Variants in IRF9 observed in about 807,000 individuals in gnomAD.
IRF9 encodes the protein interferon regulatory factor 9, also known as IFN-alpha-responsive transcription factor subunit.
Under a neutral mutation model 44.1 loss-of-function variants are expected in IRF9, and 13 were observed. That is an observed-to-expected ratio of 0.29 (90% CI 0.19 to 0.47). IRF9 has a LOEUF of 0.47. Ranked by LOEUF, IRF9 falls within the 20% of genes least tolerant of loss-of-function variation. IRF9 has a pLI of 1.00. For synonymous variants in IRF9, 189 were observed against 188.5 expected (o/e 1.00, Z -0.02); for missense variants, 373 against 496.1 (o/e 0.75, Z 2.36).
chr14:24,164,323 A>C lies in IRF9; in HGVS notation c.649+189A>C, dbSNP rs545280513. On this transcript the variant is annotated intron_variant, in intron 6 of 8. Coordinates refer to ENST00000396864, the MANE Select transcript of IRF9 (RefSeq NM_006084.5). The surrounding 1 kb of genome is among the most constrained non-coding windows in gnomAD (Gnocchi z 5.2). The stretch of plus-strand genomic sequence containing the variant: ...CCAGACTCCAAAAAGCTTGCTTCCC[A>C]AAAATACCACCCTATACACTCTCCT... 469 of 634,430 alleles carry C rather than the reference A, an allele frequency of 7.4e-4. 1 individual carries two copies. In the African/African-American group the frequency reaches 8.1e-3, roughly 11 times the overall value. The allele number at this position is 634,430 out of a possible 1,614,324, so 39.3% of individuals were successfully genotyped here.
chr14:24,162,907 T>C, intron 2 of IRF9, 59 bp from the exon 3 acceptor site: 3 of 1,429,568 alleles, frequency 2.1e-6, no homozygotes, highest in Non-Finnish European at 2.9e-6. Context: ...CCAGTCCTAT[T>C]GGAGGGGCAG....
At position 24,162,395 on chromosome 14, in the gene IRF9, G is replaced by A. The variant is rs534315558; in HGVS notation, c.180+71G>A. 16 of 1,437,814 alleles carry A rather than the reference G, an allele frequency of 1.1e-5. No homozygotes were observed. The East Asian group carries it at 1.6e-4, about 15-fold the overall frequency. 89.1% of individuals were successfully genotyped at this position (1,437,814 alleles called of 1,614,324 possible). ...TATACACACTGGTACACTCATCCTC[G>A]AGCACTTGCGTCTGCCTGGGTTTCA... On this transcript the variant is annotated intron_variant, in intron 2 of 8. Coordinates refer to ENST00000396864, the MANE Select transcript of IRF9 (RefSeq NM_006084.5).
rs1429435759 is a variant in IRF9, at chr14:24,163,074, G to T, written c.289G>T (p.Val97Phe). The change falls in exon 3 of 9, where the codon GTT (valine) becomes TTT (phenylalanine). Residue 97 changes from valine (V) to phenylalanine (F), a missense_variant. By Grantham distance (50) the Val-to-Phe change is conservative (BLOSUM62 -1). Transcript: ENST00000396864. ...ALNKSSEFKE[V>F]PERGRMDVAE... ...CAACAAGAGTTCTGAATTTAAGGAG[G>T]TTCCTGAGAGGGGCCGCATGGATGT... is the stretch of plus-strand genomic sequence containing the variant. 6.2e-7 allele frequency: 1 copy of T among 1,614,200 alleles called. No homozygotes were observed. Among genetic ancestry groups the T allele is most frequent in the East Asian group, 2.2e-5 (1 of 44,888 alleles).
intron 7 of IRF9, 181 bp from the exon 8 acceptor site, chr14:24,165,666 C>A: frequency 5.1e-6 from 3 of 590,782 alleles, no homozygotes; most frequent in Non-Finnish European, 9.0e-6. Flanking sequence ...GGCAGGGGCA[C>A]CCTTTCCTAT....
Position 24,164,645 on chromosome 14 carries a change from C to CG in IRF9, c.684dup (p.Arg229AlafsTer18). ...CACTGCTGCTCACCTTCATCTACAA[C>CG]GGGCGCGTGGTGGGCGAGGCCCAGG... On this transcript the variant is annotated frameshift_variant, in exon 7 of 9. Transcript: ENST00000396864. LOFTEE classifies it high-confidence loss of function. This position sits in a 1 kb window ranked among gnomAD's most constrained non-coding sequence, Gnocchi z 5.2. 6.2e-7 allele frequency: 1 copy of CG among 1,609,922 alleles called. No individual in the cohort carries two copies.
rs946413802 is a variant in IRF9, at chr14:24,164,238, A to G, written c.649+104A>G. Reference sequence around the variant, plus strand: ...TCAGTCAGGGCTTACAGCAAACTGTACCCACATTACCATAGCCCTAGGCAG... The same window carrying G: ...TCAGTCAGGGCTTACAGCAAACTGTGCCCACATTACCATAGCCCTAGGCAG... On this transcript the variant is annotated intron_variant, in intron 6 of 8. Coordinates refer to ENST00000396864, the MANE Select transcript of IRF9 (RefSeq NM_006084.5). This position sits in a 1 kb window ranked among gnomAD's most constrained non-coding sequence, Gnocchi z 5.2. 2 of 970,070 alleles carry G rather than the reference A, an allele frequency of 2.1e-6. No homozygotes were observed. Among genetic ancestry groups the G allele is most frequent in the Middle Eastern group, 2.2e-4 (1 of 4,556 alleles). 60.1% of individuals were successfully genotyped at this position (970,070 alleles called of 1,614,324 possible).
Position 24,163,505 on chromosome 14 carries a change from T to C in IRF9, c.492T>C (p.Asn164=). 6.2e-7 allele frequency: 1 copy of C among 1,613,766 alleles called. No individual in the cohort carries two copies. Among genetic ancestry groups the C allele is most frequent in the Middle Eastern group, 1.7e-4 (1 of 6,042 alleles). ...LSPSVLQDSL[N]NEEEGASGGA... is the part of the protein sequence containing the mutation. ...CCTCTGTGCTCCAGGACTCCCTCAA[T>C]AATGTAAGAGATGGAGAGGGAACTG... The change falls in exon 4 of 9, where the codon AAT becomes AAC. Residue 164 remains asparagine, a synonymous_variant. Coordinates refer to ENST00000396864, the MANE Select transcript of IRF9 (RefSeq NM_006084.5).
In IRF9 at chr14:24,164,102, G is replaced by T; in HGVS notation, c.617G>T (p.Arg206Met). 1 of 1,614,142 alleles carries T rather than the reference G, an allele frequency of 6.2e-7. No homozygotes were observed. Among genetic ancestry groups the T allele is most frequent in the African/African-American group, 1.3e-5 (1 of 75,036 alleles). Residue 206 changes from arginine (R) to methionine (M), a missense_variant, in exon 6 of 9, where the codon AGG becomes ATG. Coordinates refer to ENST00000396864, the MANE Select transcript of IRF9 (RefSeq NM_006084.5). This position sits in a 1 kb window ranked among gnomAD's most constrained non-coding sequence, Gnocchi z 5.2. ...TTEAPFQGDQ[R>M]SLEFLLPPEP... ...GAGGCCCCCTTTCAAGGGGATCAGA[G>T]GTCCCTGGAGTTTCTGCTTCCTCCA...
At position 24,162,179 on chromosome 14, in the gene IRF9, T is replaced by C. The variant is rs748710424; in HGVS notation, c.35T>C (p.Leu12Pro). ...GGCAGGGCACGCTGCACCCGAAAACTCCGGAACTGGGTGGTGGAGCAAGTG... is the reference window on the plus strand; with the variant it reads ...GGCAGGGCACGCTGCACCCGAAAACCCCGGAACTGGGTGGTGGAGCAAGTG... ...ASGRARCTRK[L>P]RNWVVEQVES... The change falls in exon 2 of 9, where the codon CTC (leucine) becomes CCC (proline). Residue 12 changes from leucine to proline, a missense_variant. Leu to Pro is a moderately conservative substitution (Grantham distance 98). Around this residue, in one of 2 missense-constraint regions of IRF9, gnomAD observed 227 missense variants for 255.3 expected, o/e 0.89. Transcript: ENST00000396864. The C allele has an allele frequency of 6.2e-7, 1 of 1,614,018 alleles. No homozygotes were observed. Among genetic ancestry groups the C allele is most frequent in the Non-Finnish European group, 8.5e-7 (1 of 1,179,984 alleles).
Position 24,166,337 on chromosome 14 carries a change from C to T in IRF9, c.*141C>T, listed in dbSNP as rs1594391250. On this transcript the variant is annotated 3_prime_UTR_variant, in exon 9 of 9. Transcript: ENST00000396864. ...GTGATAATCGTGTCCTGAAAATCCT[C>T]GCACACACTGGCTGGTGGAGAACTC... The T allele has an allele frequency of 1.9e-5, 14 of 754,966 alleles. No homozygotes were observed. Among genetic ancestry groups the T allele is most frequent in the South Asian group, 3.1e-5 (2 of 63,630 alleles). The allele number at this position is 754,966 out of a possible 1,614,324, so 46.8% of individuals were successfully genotyped here.
rs1288256947 is a variant in IRF9 at position 24,164,018 on chromosome 14, C to T, written c.578-45C>T. The T allele has an allele frequency of 1.2e-6, 2 of 1,613,152 alleles. No homozygotes were observed. Among genetic ancestry groups the T allele is most frequent in the Admixed American group, 3.3e-5 (2 of 59,962 alleles). ...ATGCCACACCCTCTGGCCCAAGACT[C>T]CCCAGTCCCACTCTGAATGACCAGT... is the stretch of plus-strand genomic sequence containing the variant. On this transcript the variant is annotated intron_variant, in intron 5 of 8. Coordinates refer to ENST00000396864, the MANE Select transcript of IRF9 (RefSeq NM_006084.5). The surrounding 1 kb of genome is among the most constrained non-coding windows in gnomAD (Gnocchi z 5.2).
chr14:24,162,995 G>A lies in IRF9; in HGVS notation c.210G>A (p.Lys70=). 6.2e-7 allele frequency: 1 copy of A among 1,614,002 alleles called. No homozygotes were observed. Among genetic ancestry groups the A allele is most frequent in the Non-Finnish European group, 8.5e-7 (1 of 1,179,986 alleles). ...KAWAIFKGKY[K]EGDTGGPAVW... ...GGGCAATATTTAAGGGAAAGTATAA[G>A]GAGGGGGACACAGGAGGTCCAGCTG... The change falls in exon 3 of 9, where the codon AAG becomes AAA. Residue 70 remains lysine (K), a synonymous_variant. Coordinates refer to ENST00000396864, the MANE Select transcript of IRF9 (RefSeq NM_006084.5).
Position 24,164,521 on chromosome 14 carries a change from T to C in IRF9, c.650-93T>C. 1 of 1,212,764 alleles carries C rather than the reference T, an allele frequency of 8.2e-7. No individual in the cohort carries two copies. The highest frequency in any genetic ancestry group is 1.2e-6 in the Non-Finnish European group (1 of 861,002). The allele number at this position is 1,212,764 out of a possible 1,614,324, so 75.1% of individuals were successfully genotyped here. ...ACCTGAGAGGAAGCCCCCTGGCTGG[T>C]GTGGGGAGGGGAGGTGGAGTTGTTC... On this transcript the variant is annotated intron_variant, in intron 6 of 8. Coordinates refer to ENST00000396864, the MANE Select transcript of IRF9 (RefSeq NM_006084.5). The surrounding 1 kb of genome is among the most constrained non-coding windows in gnomAD (Gnocchi z 5.2).
Position 24,164,613 on chromosome 14 carries a change from G to C in IRF9, c.650-1G>C. 1 of 1,586,998 alleles carries C rather than the reference G, an allele frequency of 6.3e-7. No homozygotes were observed. The highest frequency in any genetic ancestry group is 8.6e-7 in the Non-Finnish European group (1 of 1,162,010). ...ACCAGGTAGGGCTGTTCTATCCCCA[G>C]ACTACTCACTGCTGCTCACCTTCAT... On this transcript the variant is annotated splice_acceptor_variant, in intron 6 of 8. Coordinates refer to ENST00000396864, the MANE Select transcript of IRF9 (RefSeq NM_006084.5). LOFTEE classifies it high-confidence loss of function. The surrounding 1 kb of genome is among the most constrained non-coding windows in gnomAD (Gnocchi z 5.2).
chr14:24,163,028 G>A lies in IRF9; in HGVS notation c.243G>A (p.Lys81=). Residue 81 remains lysine, a synonymous_variant, in exon 3 of 9, where the codon AAG becomes AAA. Coordinates refer to ENST00000396864, the MANE Select transcript of IRF9 (RefSeq NM_006084.5). Reference sequence around the variant, plus strand: ...ACACAGGAGGTCCAGCTGTCTGGAAGACTCGCCTGCGCTGTGCACTCAACA... The same window carrying A: ...ACACAGGAGGTCCAGCTGTCTGGAAAACTCGCCTGCGCTGTGCACTCAACA... ...EGDTGGPAVW[K]TRLRCALNKS... The A allele has an allele frequency of 6.2e-7, 1 of 1,614,164 alleles. No individual in the cohort carries two copies. Among genetic ancestry groups the A allele is most frequent in the Non-Finnish European group, 8.5e-7 (1 of 1,180,036 alleles).
chr14:24,161,411 G>A (rs1335465164), intron 1 of IRF9, 73 bp downstream of exon 1: 1 of 152,472 alleles, frequency 6.6e-6, no homozygotes. Context: ...AGGGCAGGGG[G>A]TCCTAGGGGT....
At chr14:24,162,726 G>A (rs910202385) in intron 2 of IRF9, 25 of 496,606 alleles carry the variant, frequency 5.0e-5, no homozygotes, top group African/African-American at 4.3e-4. Context: ...CTTGAACCAG[G>A]GAGGTGGAGT....
chr14:24,165,650 A>G (rs2038513273), intron 7 of IRF9, 197 bp from the exon 8 acceptor site: 4 of 586,284 alleles, frequency 6.8e-6, no homozygotes, highest in African/African-American at 1.9e-5. Flanking sequence ...CTAAGCACTT[A>G]TATGAGGCAG....
chr14:24,164,469 C>A lies in IRF9; in HGVS notation c.650-145C>A, dbSNP rs935511455. ...CTGAGGCCTCATGGTGAATCACATA[C>A]TAGCTACTTGCCTCAGTGATAGGAA... On this transcript the variant is annotated intron_variant, in intron 6 of 8. Transcript: ENST00000396864. This position sits in a 1 kb window ranked among gnomAD's most constrained non-coding sequence, Gnocchi z 5.2. 3.9e-6 allele frequency: 3 copies of A among 766,972 alleles called. No individual in the cohort carries two copies. In the African/African-American group the frequency reaches 5.2e-5, roughly 13 times the overall value. The allele number at this position is 766,972 out of a possible 1,614,324, so 47.5% of individuals were successfully genotyped here. A position where few individuals can be genotyped will look rare whatever the true frequency, so the allele number is the denominator to read the frequency against.
Sources: gnomAD v4.1 joint callset for allele counts on GRCh38, gnomAD v4.1.1 for gene constraint, gnomAD v4.1.1 regional missense constraint, Gnocchi (gnomAD v3.1) non-coding constraint, MANE v1.5 for transcripts, NCBI Gene and HGNC (gene_info 2026-07-23, HGNC 2026-07-21) for gene names.